The following ATP8B4 variants were observed in gnomAD, a reference collection of about 807,000 sequenced individuals.
ATP8B4 encodes ATPase phospholipid transporting 8B4 (putative).
Under a neutral mutation model 145.6 loss-of-function variants are expected in ATP8B4, and 133 were observed. The observed-to-expected ratio is 0.91, with a 90% CI of 0.79 to 1.05. ATP8B4 has a LOEUF of 1.05. ATP8B4 is among the 50% of genes least tolerant of loss of function. The pLI is 0.00. For missense variants in ATP8B4, 1,458 were observed against 1,425.2 expected (o/e 1.02, Z -0.37); for synonymous variants, 507 against 492.9 (o/e 1.03, Z -0.38).
At chr15:50,129,946 C>CAAA (rs59921497) in intron 1 of ATP8B4, among the ~76,000 whole-genome samples, 44 of 87,960 alleles carry the variant, frequency 5.0e-4, no homozygotes, top group Non-Finnish European at 5.9e-4. Flanking sequence ...GACTCTGACT[C>CAAA]AAAAAAAAAA....
intron 9 of ATP8B4, among the ~76,000 whole-genome samples, chr15:49,992,344 A>G (rs1428419072): frequency 6.6e-6 from 1 of 152,174 alleles, no homozygotes; most frequent in Admixed American, 6.6e-5. Context: ...AATAAGCTCT[A>G]TAAAAGTAAG....
intron 23 of ATP8B4, 163 bp downstream of exon 23, chr15:49,897,129 A>T: frequency 1.5e-6 from 1 of 647,352 alleles, no homozygotes; most frequent in Non-Finnish European, 2.5e-6. Flanking sequence ...TTGGGTACAA[A>T]GCTCAAGTCA....
Position 49,860,274 on chromosome 15 carries a change from T to C in ATP8B4, c.3499A>G (p.Thr1167Ala). 6.2e-7 allele frequency: 1 copy of C among 1,614,190 alleles called. No homozygotes were observed. The highest frequency in any genetic ancestry group is 1.1e-5 in the South Asian group (1 of 91,076). ...SGLEKTHYNS[T>A]SWIENLCKKT... ...TTACATAAATTTTCAATCCAGCTAG[T>C]GCTATTATAATGTGTCTTTTCCAGC... The change falls in exon 28 of 28, where the codon ACT becomes GCT. Residue 1167 changes from threonine to alanine, a missense_variant. Transcript: ENST00000284509.
intron 7 of ATP8B4, among the ~76,000 whole-genome samples, chr15:50,009,103 C>T (rs2048528960): frequency 6.6e-6 from 1 of 152,162 alleles, no homozygotes; most frequent in African/African-American, 2.4e-5. Flanking sequence ...AAAACTCTTT[C>T]ACTGTAATCA....
chr15:50,110,810 G>A (rs2056901769), intron 1 of ATP8B4, among the ~76,000 whole-genome samples: 1 of 152,164 alleles, frequency 6.6e-6, no homozygotes, highest in Non-Finnish European at 1.5e-5. Flanking sequence ...AAAGTAGAGA[G>A]AGGAATGTAG....
chr15:50,071,987 A>G (rs1308146053), intron 3 of ATP8B4, among the ~76,000 whole-genome samples: 1 of 151,878 alleles, frequency 6.6e-6, no homozygotes, highest in Non-Finnish European at 1.5e-5. Flanking sequence ...ACAGCACGAA[A>G]AAAGAGAAAT....
chr15:50,119,565 T>C (rs1038273975), upstream of ATP8B4: 5 of 152,176 alleles, frequency 3.3e-5, no homozygotes, highest in African/African-American at 1.2e-4. Flanking sequence ...GGCTGGCTTC[T>C]GAGGATGGCT....
intron 2 of ATP8B4, among the ~76,000 whole-genome samples, chr15:50,090,310 C>T (rs1340095457): frequency 6.6e-6 from 1 of 152,140 alleles, no homozygotes; most frequent in Non-Finnish European, 1.5e-5. Context: ...CAAACCACCA[C>T]ATTTACCTAT....
At chr15:50,087,419 T>C (rs1050254603) in intron 2 of ATP8B4, among the ~76,000 whole-genome samples, 4 of 146,572 alleles carry the variant, frequency 2.7e-5, no homozygotes, top group Non-Finnish European at 6.0e-5. Flanking sequence ...ATATATTACA[T>C]ATCATATATA....
intron 1 of ATP8B4, among the ~76,000 whole-genome samples, chr15:50,148,826 A>G (rs1205164128): frequency 2.6e-5 from 4 of 152,200 alleles, no homozygotes; most frequent in Non-Finnish European, 4.4e-5. Flanking sequence ...ATCGACTTCA[A>G]GTTTCCCAAG....
chr15:49,927,615 C>T (rs1385224853), intron 16 of ATP8B4, among the ~76,000 whole-genome samples: 1 of 152,106 alleles, frequency 6.6e-6, no homozygotes, highest in African/African-American at 2.4e-5. Flanking sequence ...TGTGGTTAGG[C>T]TGCAATTTCT....
chr15:49,892,286 C>A (rs1030000591), intron 23 of ATP8B4, among the ~76,000 whole-genome samples: 1 of 151,736 alleles, frequency 6.6e-6, no homozygotes, highest in Non-Finnish European at 1.5e-5. Context: ...TAAAAGAATA[C>A]GATTGTAGTA....
At chr15:50,083,197 C>A (rs1188587817) in intron 2 of ATP8B4, among the ~76,000 whole-genome samples, 1 of 152,126 alleles carries the variant, frequency 6.6e-6, no homozygotes, top group African/African-American at 2.4e-5. Flanking sequence ...GAAGGCCTTC[C>A]TGTAGTGCGT....
chr15:49,970,819 T>A (rs1394530552), intron 13 of ATP8B4, among the ~76,000 whole-genome samples: 1 of 151,996 alleles, frequency 6.6e-6, no homozygotes, highest in Non-Finnish European at 1.5e-5. Flanking sequence ...GCCAAGACAA[T>A]CCTAAGCAAA....
intron 1 of ATP8B4, among the ~76,000 whole-genome samples, chr15:50,145,650 G>A (rs1054620101): frequency 2.0e-5 from 3 of 151,986 alleles, no homozygotes; most frequent in Non-Finnish European, 4.4e-5. Context: ...TCTCTTCACC[G>A]CCACTCTCAC....
intron 1 of ATP8B4, among the ~76,000 whole-genome samples, chr15:50,141,320 A>G (rs2044206164): frequency 6.6e-6 from 1 of 151,966 alleles, no homozygotes; most frequent in Non-Finnish European, 1.5e-5. Context: ...TTAGAGGTGA[A>G]AGTTTCCAGA....
chr15:49,936,059 T>C (rs1214108755), intron 14 of ATP8B4, among the ~76,000 whole-genome samples: 1 of 152,192 alleles, frequency 6.6e-6, no homozygotes, highest in Non-Finnish European at 1.5e-5. Flanking sequence ...CAAACTTAAA[T>C]ACTTTTTATT....
At chr15:50,040,779 T>A (rs982540596) in intron 5 of ATP8B4, among the ~76,000 whole-genome samples, 6 of 152,184 alleles carry the variant, frequency 3.9e-5, no homozygotes, top group African/African-American at 1.4e-4. Flanking sequence ...AATGGTAGTT[T>A]CAAGGCCAGC....
chr15:50,132,411 C>T (rs1395558564), intron 1 of ATP8B4, among the ~76,000 whole-genome samples: 1 of 152,128 alleles, frequency 6.6e-6, no homozygotes, highest in East Asian at 1.9e-4. Flanking sequence ...CACAATAAGA[C>T]ACCATCTCAT....
Sources: gnomAD v4.1 joint callset for allele counts (sites outside exome capture counted in the v4.1 genomes callset) on GRCh38, gnomAD v4.1.1 for gene constraint, MANE v1.5 for transcripts, NCBI Gene and HGNC (gene_info 2026-07-23, HGNC 2026-07-21) for gene names.